The following CTNNA2 variants were observed in gnomAD, a reference collection of about 807,000 sequenced individuals.
CTNNA2 encodes the protein catenin alpha 2.
In CTNNA2, 42 loss-of-function variants were observed where a neutral mutation model predicts 101.0. That is an observed-to-expected ratio of 0.42 (90% CI 0.32 to 0.54). CTNNA2 has a LOEUF of 0.54. Among genes scored for constraint, CTNNA2 ranks in the 20% least tolerant of loss-of-function variants. The pLI is 0.14. For synonymous variants in CTNNA2, 450 were observed against 456.4 expected (o/e 0.99, Z 0.18); for missense variants, 871 against 1,223.1 (o/e 0.71, Z 4.29).
rs531327427 is a variant in CTNNA2 at position 79,856,373 on chromosome 2, G to A, written c.299-1640G>A. ...TGTTTTTTATTTTTTCTTATGACTA[G>A]GACTAATTACAGGATGCACAGACTT... On this transcript the variant is annotated intron_variant, in intron 3 of 18. Coordinates refer to ENST00000402739, the MANE Select transcript of CTNNA2 (RefSeq NM_001282597.3). Among the ~76,000 whole-genome samples, 3 of 152,156 alleles carry A rather than the reference G, an allele frequency of 2.0e-5. No individual in the cohort carries two copies. The East Asian group carries it at 5.8e-4, about 29-fold the overall frequency.
intron 2 of CTNNA2, among the ~76,000 whole-genome samples, chr2:79,250,330 T>C (rs1674754492): frequency 6.6e-6 from 1 of 152,116 alleles, no homozygotes; most frequent in Non-Finnish European, 1.5e-5. Flanking sequence ...CTCCAGCATA[T>C]TCACAGTGAG....
At chr2:79,866,000 T>A (rs1682063508) in intron 4 of CTNNA2, among the ~76,000 whole-genome samples, 1 of 152,232 alleles carries the variant, frequency 6.6e-6, no homozygotes, top group African/African-American at 2.4e-5. Context: ...ATTACAGGCG[T>A]GAGCCACCGC....
At chr2:79,362,955 G>GA (rs1283002723) in intron 3 of CTNNA2, among the ~76,000 whole-genome samples, 1 of 152,168 alleles carries the variant, frequency 6.6e-6, no homozygotes, top group South Asian at 2.1e-4. Context: ...GCAATGTGAT[G>GA]AAAAAACAGA....
intron 7 of CTNNA2, among the ~76,000 whole-genome samples, chr2:79,964,519 A>G (rs1445972306): frequency 6.6e-6 from 1 of 152,196 alleles, no homozygotes; most frequent in Non-Finnish European, 1.5e-5. Context: ...AAATGTCATT[A>G]AAAGTTTGTT....
intron 7 of CTNNA2, among the ~76,000 whole-genome samples, chr2:80,040,666 C>T (rs1471962828): frequency 6.6e-6 from 1 of 152,158 alleles, no homozygotes; most frequent in Non-Finnish European, 1.5e-5. Context: ...AGTACCATTC[C>T]CCACAGGCCA....
chr2:79,438,881 T>G (rs563857104), intron 4 of CTNNA2, among the ~76,000 whole-genome samples: 22 of 152,312 alleles, frequency 1.4e-4, no homozygotes, highest in South Asian at 1.2e-3. Context: ...CCACTTCACA[T>G]GCACTGGGGA....
chr2:80,328,447 A>T (rs1206990956), intron 7 of CTNNA2: 2 of 464,744 alleles, frequency 4.3e-6, no homozygotes, highest in African/African-American at 2.0e-5. Context: ...GAGGAAGGAC[A>T]GTGTAGAGGG....
At chr2:80,199,579 C>A (rs1030399951) in intron 7 of CTNNA2, among the ~76,000 whole-genome samples, 1 of 152,006 alleles carries the variant, frequency 6.6e-6, no homozygotes, top group East Asian at 1.9e-4. Flanking sequence ...GAGGTGAGAG[C>A]CAGAATGAGG....
intron 7 of CTNNA2, among the ~76,000 whole-genome samples, chr2:79,913,057 T>C (rs1055260580): frequency 1.3e-5 from 2 of 152,152 alleles, no homozygotes; most frequent in African/African-American, 2.4e-5. Flanking sequence ...CCAGAACAGG[T>C]AAAATTCTCT....
At chr2:80,264,823 G>A (rs1672882890) in intron 7 of CTNNA2, among the ~76,000 whole-genome samples, 1 of 152,122 alleles carries the variant, frequency 6.6e-6, no homozygotes, top group African/African-American at 2.4e-5. Context: ...TTCTTCTTAT[G>A]TGGAGCTCAA....
intron 3 of CTNNA2, among the ~76,000 whole-genome samples, chr2:79,316,046 A>G (rs535083257): frequency 7.6e-4 from 116 of 152,234 alleles, no homozygotes; most frequent in Non-Finnish European, 1.3e-3. Context: ...TTATCCAAGA[A>G]GATTACTCCC....
chr2:79,740,357 C>T (rs1268085914), intron 2 of CTNNA2, among the ~76,000 whole-genome samples: 3 of 152,122 alleles, frequency 2.0e-5, no homozygotes, highest in Non-Finnish European at 4.4e-5. Context: ...AACAAATTTT[C>T]TTATTATTCT....
chr2:79,616,893 A>G (rs1377827405), intron 1 of CTNNA2, among the ~76,000 whole-genome samples: 1 of 149,958 alleles, frequency 6.7e-6, no homozygotes, highest in Non-Finnish European at 1.5e-5. Context: ...AATAATATTT[A>G]ATATTTTCTT....
intron 7 of CTNNA2, among the ~76,000 whole-genome samples, chr2:80,230,131 A>T (rs919226824): frequency 1.3e-5 from 2 of 152,178 alleles, no homozygotes; most frequent in South Asian, 4.1e-4. Context: ...GGTTTGTGTA[A>T]GTACACTCTA....
chr2:79,818,157 A>C (rs1677682306), intron 3 of CTNNA2, among the ~76,000 whole-genome samples: 1 of 152,204 alleles, frequency 6.6e-6, no homozygotes, highest in African/African-American at 2.4e-5. Flanking sequence ...AGATTACATT[A>C]AGAAGTTCAC....
chr2:80,531,567 T>A (rs1690545464), intron 9 of CTNNA2, among the ~76,000 whole-genome samples: 1 of 152,218 alleles, frequency 6.6e-6, no homozygotes, highest in Non-Finnish European at 1.5e-5. Flanking sequence ...TCTGTTCACC[T>A]GCAAACTTCT....
intron 4 of CTNNA2, among the ~76,000 whole-genome samples, chr2:79,432,622 G>C (rs1215909840): frequency 6.6e-6 from 1 of 152,128 alleles, no homozygotes; most frequent in Admixed American, 6.5e-5. Flanking sequence ...GATACCACAA[G>C]GGTAAAATCT....
intron 3 of CTNNA2, among the ~76,000 whole-genome samples, chr2:79,790,546 G>A (rs569733708): frequency 6.6e-6 from 1 of 152,270 alleles, no homozygotes; most frequent in East Asian, 1.9e-4. Context: ...GACCTTCTAA[G>A]ATCTTTTGAA....
chr2:80,381,151 G>A (rs529655751), intron 7 of CTNNA2, among the ~76,000 whole-genome samples: 17 of 151,890 alleles, frequency 1.1e-4, no homozygotes, highest in Admixed American at 2.0e-4. Flanking sequence ...TCAGGAGGTG[G>A]TAGTCTCCTG....
Sources: gnomAD v4.1 joint callset for allele counts (sites outside exome capture counted in the v4.1 genomes callset) on GRCh38, gnomAD v4.1.1 for gene constraint, MANE v1.5 for transcripts, NCBI Gene and HGNC (gene_info 2026-07-23, HGNC 2026-07-21) for gene names.